Variants in ALG5 observed in about 807,000 individuals in gnomAD.
ALG5 encodes the protein ALG5 dolichyl-phosphate beta-glucosyltransferase, also known as dolichyl-phosphate beta-glucosyltransferase.
A neutral mutation model predicts 51.8 loss-of-function variants in ALG5; 26 were observed. The observed-to-expected ratio is 0.50, with a 90% CI of 0.37 to 0.70. ALG5 has a LOEUF of 0.70. Among genes scored for constraint, ALG5 ranks in the 30% least tolerant of loss-of-function variants. The pLI is 0.00. For synonymous variants in ALG5, 141 were observed against 136.1 expected (o/e 1.04, Z -0.25); for missense variants, 311 against 399.3 (o/e 0.78, Z 1.88).
intron 1 of ALG5, 149 bp from the exon 2 acceptor site, chr13:36,995,745 C>A: frequency 1.4e-6 from 1 of 717,080 alleles, no homozygotes; most frequent in African/African-American, 1.8e-5. Context: ...AGAGGTGACT[C>A]CAAAATTAGA....
intron 6 of ALG5, among the ~76,000 whole-genome samples, chr13:36,977,750 C>G (rs1459434028): frequency 9.1e-6 from 1 of 110,328 alleles, no homozygotes; most frequent in Non-Finnish European, 1.6e-5. Flanking sequence ...TGAGATCATG[C>G]TACTGCACTC....
intron 5 of ALG5, among the ~76,000 whole-genome samples, chr13:36,989,121 G>T (rs1373938911): frequency 6.6e-6 from 1 of 152,030 alleles, no homozygotes; most frequent in East Asian, 1.9e-4. Context: ...ATTCATCTTA[G>T]TTCATGCTAC....
intron 6 of ALG5, among the ~76,000 whole-genome samples, chr13:36,985,394 A>G (rs1430490966): frequency 6.6e-6 from 1 of 152,188 alleles, no homozygotes; most frequent in Non-Finnish European, 1.5e-5. Context: ...ATCAGAAACC[A>G]AGAGAGAGAA....
chr13:36,997,466 CAAAAAA>C (rs57878611), intron 1 of ALG5, among the ~76,000 whole-genome samples: 6 of 78,118 alleles, frequency 7.7e-5, no homozygotes, highest in South Asian at 5.1e-4. Context: ...GACTCCGTCT[CAAAAAA>C]AAAAAAAAAA....
At chr13:36,994,931 T>C in intron 3 of ALG5, 58 bp downstream of exon 3, 14 of 1,500,664 alleles carry the variant, frequency 9.3e-6, no homozygotes, top group East Asian at 2.3e-5. Flanking sequence ...GGGTCCACAA[T>C]TGGTGACCTG....
chr13:36,952,202 C>T (rs998275275), intron 9 of ALG5, among the ~76,000 whole-genome samples: 2 of 152,196 alleles, frequency 1.3e-5, no homozygotes, highest in African/African-American at 4.8e-5. Flanking sequence ...ATAAATTTAT[C>T]TATCTCAAAA....
rs547147910 is a variant in ALG5 at position 36,997,851 on chromosome 13, A to G, written c.66+1384T>C. Among the ~76,000 whole-genome samples, 4 of 152,314 alleles carry G rather than the reference A, an allele frequency of 2.6e-5. No homozygotes were observed. The South Asian group carries it at 8.3e-4, about 32-fold the overall frequency. ...CATATGAAGACAGGATGAGGTTTTG[A>G]AAAATTATTTTTTTAATGATTTCTT... is the stretch of plus-strand genomic sequence containing the variant. On this transcript the variant is annotated intron_variant, in intron 1 of 9. Coordinates refer to ENST00000239891, the MANE Select transcript of ALG5 (RefSeq NM_013338.5).
intron 8 of ALG5, 117 bp downstream of exon 8, chr13:36,965,458 T>C (rs1370243130): frequency 8.3e-6 from 9 of 1,089,746 alleles, no homozygotes; most frequent in Non-Finnish European, 1.2e-5. Context: ...TTACATACAT[T>C]ATTGTCAATT....
chr13:36,966,505 A>G (rs1258288073), intron 7 of ALG5, among the ~76,000 whole-genome samples: 3 of 152,214 alleles, frequency 2.0e-5, no homozygotes, highest in Non-Finnish European at 4.4e-5. Flanking sequence ...TTTCTAAAAA[A>G]TAAAATAACA....
intron 6 of ALG5, among the ~76,000 whole-genome samples, chr13:36,977,697 C>T (rs942339236): frequency 7.4e-6 from 1 of 135,132 alleles, no homozygotes; most frequent in African/African-American, 2.8e-5. Flanking sequence ...GAGGCTAAGG[C>T]ATGAGAATTG....
At chr13:36,959,267 T>C (rs1355764080) in intron 8 of ALG5, among the ~76,000 whole-genome samples, 1 of 151,872 alleles carries the variant, frequency 6.6e-6, no homozygotes, top group African/African-American at 2.4e-5. Flanking sequence ...GGAATAAGGT[T>C]TTTTTTTGGA....
At chr13:36,966,686 C>T (rs759574160) in intron 7 of ALG5, among the ~76,000 whole-genome samples, 3 of 152,080 alleles carry the variant, frequency 2.0e-5, no homozygotes, top group Non-Finnish European at 4.4e-5. Flanking sequence ...CTTTAAGACA[C>T]GATCTTTTAA....
intron 4 of ALG5, among the ~76,000 whole-genome samples, chr13:36,993,288 C>T (rs2059033560): frequency 6.6e-6 from 1 of 152,090 alleles, no homozygotes; most frequent in Admixed American, 6.5e-5. Context: ...AATTATAAGG[C>T]AAGATGGAGC....
chr13:36,989,655 T>C, intron 4 of ALG5, 79 bp from the exon 5 acceptor site: 1 of 1,073,392 alleles, frequency 9.3e-7, no homozygotes, highest in Non-Finnish European at 1.4e-6. Context: ...TTGCTTTGGC[T>C]CAAACACTGC....
At position 36,994,923 on chromosome 13, in the gene ALG5, G is replaced by T; in HGVS notation, c.285+66C>A. ...CCTCTCACAGTGCATCTGGCTTGGGGTCCACAATTGGTGACCTGGTCTAGT... is the reference window on the plus strand; with the variant it reads ...CCTCTCACAGTGCATCTGGCTTGGGTTCCACAATTGGTGACCTGGTCTAGT... On this transcript the variant is annotated intron_variant, in intron 3 of 9. Coordinates refer to ENST00000239891, the MANE Select transcript of ALG5 (RefSeq NM_013338.5). 3 of 1,421,160 alleles carry T rather than the reference G, an allele frequency of 2.1e-6. No homozygotes were observed. In the South Asian group the frequency reaches 3.6e-5, roughly 17 times the overall value. 88.0% of individuals were successfully genotyped at this position (1,421,160 alleles called of 1,614,324 possible). A position where few individuals can be genotyped will look rare whatever the true frequency, so the allele number is the denominator to read the frequency against.
At chr13:36,998,055 A>G (rs1219824992) in intron 1 of ALG5, among the ~76,000 whole-genome samples, 2 of 152,220 alleles carry the variant, frequency 1.3e-5, no homozygotes, top group East Asian at 3.8e-4. Flanking sequence ...AGTAAGTACT[A>G]CAATCAATAA....
chr13:36,964,919 C>CAAAAAA (rs34435719), intron 8 of ALG5, among the ~76,000 whole-genome samples: 2 of 136,858 alleles, frequency 1.5e-5, no homozygotes, highest in Non-Finnish European at 3.1e-5. Flanking sequence ...GAGCGAAACT[C>CAAAAAA]AAAAAAAAAA....
intron 9 of ALG5, 50 bp downstream of exon 9, chr13:36,952,464 C>T: frequency 7.4e-7 from 1 of 1,351,214 alleles, no homozygotes; most frequent in Non-Finnish European, 1.0e-6. Context: ...CTTTACTAAA[C>T]AACTGTATTA....
chr13:36,956,618 A>G (rs1412971851), intron 8 of ALG5, among the ~76,000 whole-genome samples: 1 of 152,204 alleles, frequency 6.6e-6, no homozygotes, highest in Non-Finnish European at 1.5e-5. Flanking sequence ...AAAATGTGGT[A>G]TATGTACACA....
Sources: gnomAD v4.1 joint callset for allele counts (sites outside exome capture counted in the v4.1 genomes callset) on GRCh38, gnomAD v4.1.1 for gene constraint, MANE v1.5 for transcripts, NCBI Gene and HGNC (gene_info 2026-07-23, HGNC 2026-07-21) for gene names.